The following TMCC1 variants were observed in gnomAD, a reference collection of about 807,000 sequenced individuals.
TMCC1 encodes the protein transmembrane and coiled-coil domains protein 1.
TMCC1 carries 15 observed loss-of-function variants against 52.4 expected under a neutral mutation model. The ratio of observed to expected loss-of-function variants is 0.29; its 90% confidence interval spans 0.19 to 0.44. The LOEUF (loss-of-function observed/expected upper bound fraction) is 0.44. TMCC1 is among the 20% of genes least tolerant of loss of function. The pLI, the probability that TMCC1 is intolerant of heterozygous loss-of-function variation, is 1.00. For missense variants in TMCC1, 503 were observed against 806.0 expected, an observed-to-expected ratio of 0.62 and a Z score of 4.55; for synonymous variants, 279 against 301.9, an observed-to-expected ratio of 0.92 and a Z score of 0.79.
chr3:129,736,128 G>T (rs185621321), intron 4 of TMCC1, among the ~76,000 whole-genome samples: 6 of 152,298 alleles, frequency 3.9e-5, no homozygotes, highest in African/African-American at 1.4e-4. Flanking sequence ...TCTTACAAAT[G>T]ACCCAAAAAT....
chr3:129,827,780 A>G, intron 4 of TMCC1, 23 bp downstream of exon 4: 1 of 1,601,426 alleles, frequency 6.2e-7, no homozygotes, highest in Non-Finnish European at 8.5e-7. Context: ...AGTTAACAGA[A>G]AAACAAAATC....
At chr3:129,842,781 A>G (rs1162509393) in intron 2 of TMCC1, among the ~76,000 whole-genome samples, 3 of 152,212 alleles carry the variant, frequency 2.0e-5, no homozygotes, top group Non-Finnish European at 2.9e-5. Context: ...ATTAAACAAT[A>G]CACTTCTAAA....
At chr3:129,705,358 A>G (rs1410579280) in intron 4 of TMCC1, among the ~76,000 whole-genome samples, 1 of 152,044 alleles carries the variant, frequency 6.6e-6, no homozygotes, top group Admixed American at 6.6e-5. Context: ...ATGTTCTCTT[A>G]TATTTCCAAA....
At position 129,662,455 on chromosome 3, in the gene TMCC1, T is replaced by C. The variant is rs115203175; in HGVS notation, c.1512-7352A>G. The stretch of plus-strand genomic sequence containing the variant: ...ACAATAGTGTTTGTGTATCTAGACA[T>C]ATCTAAACATAGAAAAGGCACACTA... On this transcript the variant is annotated intron_variant, in intron 5 of 6. Transcript: ENST00000393238. 3.9e-3 allele frequency among the ~76,000 whole-genome samples: 588 copies of C among 152,166 alleles called. 5 individuals are homozygous for C. The highest frequency in any genetic ancestry group is 6.3e-3 in the Non-Finnish European group (425 of 67,994).
intron 2 of TMCC1, among the ~76,000 whole-genome samples, chr3:129,860,604 ATT>A (rs1318747657): frequency 2.1e-5 from 3 of 145,966 alleles, no homozygotes; most frequent in Non-Finnish European, 3.0e-5. Context: ...ACACATTATT[ATT>A]TTTTTTTTTT....
At chr3:129,662,041 A>C (rs2087072653) in intron 5 of TMCC1, among the ~76,000 whole-genome samples, 2 of 152,160 alleles carry the variant, frequency 1.3e-5, no homozygotes, top group African/African-American at 4.8e-5. Flanking sequence ...TAGGGGAGAA[A>C]AAGGGAAGAT....
At chr3:129,764,478 ACTT>A (rs1295385129) in intron 4 of TMCC1, among the ~76,000 whole-genome samples, 1 of 152,160 alleles carries the variant, frequency 6.6e-6, no homozygotes, top group East Asian at 1.9e-4. Context: ...GATAACAAGA[ACTT>A]CTCACATCCT....
In TMCC1 at chr3:129,828,495, G is replaced by C. The variant is rs1469034067; in HGVS notation, c.-117C>G. 2 of 933,106 alleles carry C rather than the reference G, an allele frequency of 2.1e-6. No homozygotes were observed. Among genetic ancestry groups the C allele is most frequent in the Non-Finnish European group, 3.3e-6 (2 of 611,988 alleles). The allele number at this position is 933,106 out of a possible 1,614,324, so 57.8% of individuals were successfully genotyped here. On this transcript the variant is annotated 5_prime_UTR_variant, in exon 4 of 7. Coordinates refer to ENST00000393238, the MANE Select transcript of TMCC1 (RefSeq NM_001017395.5). The surrounding 1 kb of genome is among the most constrained non-coding windows in gnomAD (Gnocchi z 4.1). ...ACTACGCATGCAGCTGTGAGACGAA[G>C]GCTTCATGCCTATCTAATGTTAAAA...
chr3:129,889,205 G>T (rs2061854432), intron 1 of TMCC1, among the ~76,000 whole-genome samples: 1 of 152,122 alleles, frequency 6.6e-6, no homozygotes, highest in Admixed American at 6.6e-5. Context: ...CCAGAGTGTT[G>T]AGGCTGCAGT....
chr3:129,763,360 T>C (rs2053794407), intron 4 of TMCC1, among the ~76,000 whole-genome samples: 1 of 149,138 alleles, frequency 6.7e-6, no homozygotes, highest in African/African-American at 2.5e-5. Context: ...CTGGGCAACA[T>C]GGTAAAACCC....
intron 4 of TMCC1, among the ~76,000 whole-genome samples, chr3:129,731,707 T>C (rs1457570485): frequency 1.3e-5 from 2 of 151,812 alleles, no homozygotes; most frequent in East Asian, 1.9e-4. Flanking sequence ...GCTAATTTCA[T>C]ACTTACTGGC....
intron 4 of TMCC1, among the ~76,000 whole-genome samples, chr3:129,756,205 A>G (rs1242247614): frequency 6.6e-6 from 1 of 152,182 alleles, no homozygotes; most frequent in East Asian, 1.9e-4. Context: ...AAGCTCCTAT[A>G]TATTTATCCA....
chr3:129,844,626 G>GC (rs1163936684), intron 2 of TMCC1, among the ~76,000 whole-genome samples: 4 of 152,068 alleles, frequency 2.6e-5, no homozygotes, highest in Non-Finnish European at 5.9e-5. Context: ...AACGGTAACC[G>GC]CAAGAAAGGT....
In TMCC1 at chr3:129,680,901, A is replaced by C. The variant is rs575190458; in HGVS notation, c.577-9637T>G. 2.1e-5 allele frequency among the ~76,000 whole-genome samples: 3 copies of C among 146,002 alleles called. 1 individual carries two copies. Among genetic ancestry groups the C allele is most frequent in the East Asian group, 2.0e-4 (1 of 5,108 alleles). ...GGTGATAGAGCAAGACTCTGTCTCAAAAAAAAAAAAAAGGAAGAAAAAGTT... is the reference window on the plus strand; with the variant it reads ...GGTGATAGAGCAAGACTCTGTCTCACAAAAAAAAAAAAGGAAGAAAAAGTT... On this transcript the variant is annotated intron_variant, in intron 4 of 6. Coordinates refer to ENST00000393238, the MANE Select transcript of TMCC1 (RefSeq NM_001017395.5).
At chr3:129,847,923 G>A (rs1342288190) in intron 2 of TMCC1, 3 of 152,062 alleles carry the variant, frequency 2.0e-5, no homozygotes, top group Non-Finnish European at 2.9e-5. Flanking sequence ...AATGACTTAC[G>A]ACTTTGGGCA....
chr3:129,766,108 T>C (rs905713452), intron 4 of TMCC1, among the ~76,000 whole-genome samples: 4 of 152,204 alleles, frequency 2.6e-5, no homozygotes, highest in Admixed American at 1.3e-4. Context: ...TGCTGATTAC[T>C]TGAAATAAGG....
intron 5 of TMCC1, among the ~76,000 whole-genome samples, chr3:129,664,498 C>A (rs910218090): frequency 1.3e-5 from 2 of 152,162 alleles, no homozygotes; most frequent in African/African-American, 4.8e-5. Flanking sequence ...TGACTCAGTG[C>A]AATTTAAAAT....
At chr3:129,789,890 G>T (rs2056334354) in intron 4 of TMCC1, among the ~76,000 whole-genome samples, 1 of 152,118 alleles carries the variant, frequency 6.6e-6, no homozygotes, top group Non-Finnish European at 1.5e-5. Context: ...ATTTCCAACT[G>T]CTTTATAAGT....
intron 4 of TMCC1, among the ~76,000 whole-genome samples, chr3:129,717,836 A>G (rs1217574427): frequency 6.6e-6 from 1 of 152,168 alleles, no homozygotes; most frequent in Non-Finnish European, 1.5e-5. Context: ...TTGCCCACAT[A>G]TCTGTTCTTA....
Sources: allele counts gnomAD v4.1 joint callset (sites outside exome capture counted in the v4.1 genomes callset), GRCh38; gene constraint gnomAD v4.1.1; non-coding constraint Gnocchi (gnomAD v3.1); transcripts MANE v1.5; gene names NCBI Gene and HGNC (gene_info 2026-07-23, HGNC 2026-07-21).